Variants in SEPTIN4 observed in about 807,000 individuals in gnomAD.
SEPTIN4 encodes septin-4.
A neutral mutation model predicts 107.1 loss-of-function variants in SEPTIN4; 52 were observed. The ratio of observed to expected loss-of-function variants is 0.49; its 90% CI spans 0.39 to 0.61. The LOEUF (loss-of-function observed/expected upper bound fraction) is 0.61, where lower values mean the gene tolerates loss of function less well. SEPTIN4 is among the 20% of genes least tolerant of loss of function. The pLI is 0.00. For synonymous variants in SEPTIN4, 417 were observed against 467.0 expected, an observed-to-expected ratio of 0.89 and a Z score of 1.38; for missense variants, 1,048 against 1,243.5, an observed-to-expected ratio of 0.84 and a Z score of 2.36.
intron 3 of SEPTIN4, chr17:58,529,343 A>G: frequency 6.8e-7 from 1 of 1,480,626 alleles, no homozygotes; most frequent in Non-Finnish European, 9.0e-7. Flanking sequence ...CAGGGGCCAA[A>G]AAAGCCTGTG....
chr17:58,540,040 G>A (rs2043834622), intron 3 of SEPTIN4, among the ~76,000 whole-genome samples: 1 of 152,182 alleles, frequency 6.6e-6, no homozygotes, highest in Non-Finnish European at 1.5e-5. Flanking sequence ...GCCATTGCTA[G>A]GCTTTGGGTA....
chr17:58,541,782 T>A (rs550504476), intron 2 of SEPTIN4, 140 bp downstream of exon 2: 2 of 1,595,794 alleles, frequency 1.3e-6, no homozygotes, highest in African/African-American at 2.7e-5. Context: ...AGATGAGAAG[T>A]TCCTCTGCTT....
intron 3 of SEPTIN4, chr17:58,539,073 G>T: frequency 7.4e-7 from 1 of 1,356,206 alleles, no homozygotes; most frequent in Non-Finnish European, 1.0e-6. Flanking sequence ...GCTCTCTCAT[G>T]CATTAGAGAG....
At position 58,526,567 on chromosome 17, in the gene SEPTIN4, C is replaced by CAA; in HGVS notation, c.1911+114_1911+115insTT. 5 of 1,392,258 alleles carry CAA rather than the reference C, an allele frequency of 3.6e-6. No individual in the cohort carries two copies. In the East Asian group the frequency reaches 7.9e-5, roughly 22 times the overall value. 86.2% of individuals were successfully genotyped at this position (1,392,258 alleles called of 1,614,324 possible). On this transcript the variant is annotated intron_variant, in intron 4 of 13. Coordinates refer to ENST00000672673, the MANE Select transcript of SEPTIN4 (RefSeq NM_001368771.2). Reference sequence around the variant, plus strand: ...CTGAAATAGGTCCCAGATACACACACACACAAACACACACACACACACACA... The same window carrying CAA: ...CTGAAATAGGTCCCAGATACACACACAAACACAAACACACACACACACACACA...
At chr17:58,534,440 T>A (rs1177980045) in intron 3 of SEPTIN4, among the ~76,000 whole-genome samples, 1 of 152,188 alleles carries the variant, frequency 6.6e-6, no homozygotes, top group Non-Finnish European at 1.5e-5. Context: ...AGCTCTTACA[T>A]TCTGTGTGAT....
At chr17:58,540,047 G>A (rs1387052459) in intron 3 of SEPTIN4, among the ~76,000 whole-genome samples, 1 of 152,154 alleles carries the variant, frequency 6.6e-6, no homozygotes. Context: ...CTAGGCTTTG[G>A]GTAATAGAGA....
intron 2 of SEPTIN4, 101 bp from the exon 3 acceptor site, chr17:58,540,774 C>CA: frequency 8.0e-7 from 1 of 1,249,270 alleles, no homozygotes; most frequent in Non-Finnish European, 1.0e-6. Context: ...TAAAGATGCC[C>CA]AGTGGACTTG....
rs867655231 is a variant in SEPTIN4, at chr17:58,540,735, C to T, written c.1607-62G>A. The stretch of plus-strand genomic sequence containing the variant: ...GGCAGCAAATGGAATTCAGAGAGTG[C>T]CAATAGGAGGAGAAAAAGAGAAATT... On this transcript the variant is annotated intron_variant, in intron 2 of 13. Coordinates refer to ENST00000672673, the MANE Select transcript of SEPTIN4 (RefSeq NM_001368771.2). 1.4e-5 allele frequency: 18 copies of T among 1,301,980 alleles called. No homozygotes were observed. The South Asian group carries it at 3.7e-4, about 27-fold the overall frequency. 80.7% of individuals were successfully genotyped at this position (1,301,980 alleles called of 1,614,324 possible).
At chr17:58,540,772 C>T (rs2043858893) in intron 2 of SEPTIN4, 99 bp from the exon 3 acceptor site, 2 of 1,249,072 alleles carry the variant, frequency 1.6e-6, no homozygotes, top group Middle Eastern at 2.0e-4. Flanking sequence ...ACTAAAGATG[C>T]CCAGTGGACT....
intron 6 of SEPTIN4, 135 bp from the exon 7 acceptor site, chr17:58,525,336 G>C: frequency 1.8e-6 from 2 of 1,089,342 alleles, no homozygotes; most frequent in Non-Finnish European, 2.6e-6. Context: ...AAGCTGTCTG[G>C]GGGACTGTTC....
Position 58,543,906 on chromosome 17 carries a change from G to A in SEPTIN4, c.281C>T (p.Thr94Ile). 1.2e-6 allele frequency: 2 copies of A among 1,614,050 alleles called. No individual in the cohort carries two copies. The highest frequency in any genetic ancestry group is 1.7e-6 in the Non-Finnish European group (2 of 1,179,964). The part of the protein sequence containing the change: ...TPRGPETGPR[T>I]ESSRHSSPHL... Reference sequence around the variant, plus strand: ...GGGAGAGGAATGGCGGGATGATTCTGTTCTTGGTCCAGTCTCGGGTCCCCG... The same window carrying A: ...GGGAGAGGAATGGCGGGATGATTCTATTCTTGGTCCAGTCTCGGGTCCCCG... Residue 94 changes from threonine to isoleucine, a missense_variant, in exon 1 of 14, where the codon ACA becomes ATA. Physicochemically the swap from Thr to Ile is moderately conservative, Grantham distance 89. Coordinates refer to ENST00000672673, the MANE Select transcript of SEPTIN4 (RefSeq NM_001368771.2).
Position 58,543,560 on chromosome 17 carries a change from T to C in SEPTIN4, c.627A>G (p.Arg209=), listed in dbSNP as rs1250208443. ...ATCTGATCTCACTAGTAGTCGTAAT[T>C]CTTTGGATGGGCTCAGTTTGTACTG... ...DEAVQTEPIQ[R]ITTTSEIRSP... Residue 209 remains arginine (R), a synonymous_variant, in exon 1 of 14, where the codon AGA becomes AGG. Transcript: ENST00000672673. 6.2e-7 allele frequency: 1 copy of C among 1,614,182 alleles called. No individual in the cohort carries two copies. Among genetic ancestry groups the C allele is most frequent in the South Asian group, 1.1e-5 (1 of 91,076 alleles).
At chr17:58,522,169 A>G in intron 7 of SEPTIN4, 68 bp from the exon 8 acceptor site, 1 of 1,593,580 alleles carries the variant, frequency 6.3e-7, no homozygotes, top group Non-Finnish European at 8.6e-7. Context: ...CTGGGACTAC[A>G]GAGAAGTAGC....
Position 58,521,705 on chromosome 17 carries a change from C to A in SEPTIN4, c.2469+31G>T, listed in dbSNP as rs764231528. Reference sequence around the variant, plus strand: ...GACCACATCCTTTCTAGAAGCCCACCTGATCCCCTCCCACCACCAGCTTCC... The same window carrying A: ...GACCACATCCTTTCTAGAAGCCCACATGATCCCCTCCCACCACCAGCTTCC... On this transcript the variant is annotated intron_variant, in intron 9 of 13. Coordinates refer to ENST00000672673, the MANE Select transcript of SEPTIN4 (RefSeq NM_001368771.2). The surrounding 1 kb of genome is among the most constrained non-coding windows in gnomAD (Gnocchi z 6.4). The A allele has an allele frequency of 6.2e-7, 1 of 1,614,128 alleles. No individual in the cohort carries two copies. Among genetic ancestry groups the A allele is most frequent in the Non-Finnish European group, 8.5e-7 (1 of 1,180,052 alleles).
intron 3 of SEPTIN4, chr17:58,532,092 G>A (rs1186790019): frequency 9.3e-7 from 1 of 1,075,992 alleles, no homozygotes; most frequent in Non-Finnish European, 1.1e-6. Context: ...TGCGGGAGGG[G>A]CCCGGCGGCG....
intron 2 of SEPTIN4, among the ~76,000 whole-genome samples, chr17:58,541,334 G>A (rs575470686): frequency 1.3e-5 from 2 of 152,284 alleles, no homozygotes; most frequent in East Asian, 1.9e-4. Flanking sequence ...TGCCCCCAGA[G>A]AGGCCAAGAG....
At chr17:58,540,792 C>CAGGT in intron 2 of SEPTIN4, 119 bp from the exon 3 acceptor site, 2 of 1,085,408 alleles carry the variant, frequency 1.8e-6, no homozygotes, top group Non-Finnish European at 2.4e-6. Context: ...TTGGGCAAAC[C>CAGGT]TGGCCCAATC....
chr17:58,521,848 C>T lies in SEPTIN4; in HGVS notation c.2357G>A (p.Arg786Gln), dbSNP rs1346643749. The T allele has an allele frequency of 1.9e-6, 3 of 1,614,182 alleles. No homozygotes were observed. The highest frequency in any genetic ancestry group is 2.5e-6 in the Non-Finnish European group (3 of 1,180,028). Reference protein sequence around the residue: ...YFISPFGHGLRPLDVEFMKAL... With the variant: ...YFISPFGHGLQPLDVEFMKAL... Reference sequence around the variant, plus strand: ...CTTCATGAATTCAACATCCAATGGCCGGAGCCTGGGGAACAGGAACCTGTG... The same window carrying T: ...CTTCATGAATTCAACATCCAATGGCTGGAGCCTGGGGAACAGGAACCTGTG... Residue 786 changes from arginine (R) to glutamine (Q), a missense_variant, in exon 9 of 14, where the codon CGG becomes CAG. By Grantham distance (43) the Arg-to-Gln change is conservative. This residue lies in a region of SEPTIN4 where 261 missense variants were observed against 371.7 expected (regional missense o/e 0.70). Coordinates refer to ENST00000672673, the MANE Select transcript of SEPTIN4 (RefSeq NM_001368771.2). The surrounding 1 kb of genome is among the most constrained non-coding windows in gnomAD (Gnocchi z 6.4).
chr17:58,520,876 G>C (rs2042192237), intron 12 of SEPTIN4, 34 bp from the exon 13 acceptor site: 5 of 1,613,872 alleles, frequency 3.1e-6, no homozygotes, highest in Non-Finnish European at 4.2e-6. Flanking sequence ...AGGCGAGGAG[G>C]ACCCCAGCAC....
Sources: allele counts gnomAD v4.1 joint callset (sites outside exome capture counted in the v4.1 genomes callset), GRCh38; gene constraint gnomAD v4.1.1; regional missense constraint gnomAD v4.1.1; non-coding constraint Gnocchi (gnomAD v3.1); transcripts MANE v1.5; gene names NCBI Gene and HGNC (gene_info 2026-07-23, HGNC 2026-07-21).